DNAH10: variants seen among roughly 807,000 people sequenced by gnomAD.
DNAH10 encodes the protein dynein axonemal heavy chain 10.
Under a neutral mutation model 506.6 loss-of-function variants are expected in DNAH10, and 348 were observed. The ratio of observed to expected loss-of-function variants is 0.69; its 90% confidence interval spans 0.63 to 0.75. DNAH10 has a LOEUF of 0.75. Ranked by LOEUF, DNAH10 falls within the 30% of genes least tolerant of loss-of-function variation. DNAH10 has a pLI of 0.00. For synonymous variants in DNAH10, 2,059 were observed against 2,198.6 expected (o/e 0.94, Z 1.78); for missense variants, 5,179 against 5,787.1 (o/e 0.89, Z 3.41).
chr12:123,818,048 A>G (rs933687902), intron 21 of DNAH10, among the ~76,000 whole-genome samples: 3 of 150,272 alleles, frequency 2.0e-5, no homozygotes, highest in Non-Finnish European at 4.4e-5. Flanking sequence ...TCCTGGGTTC[A>G]AGTGATTCTC....
chr12:123,802,986 G>A (rs1958530997), intron 16 of DNAH10, among the ~76,000 whole-genome samples: 1 of 151,920 alleles, frequency 6.6e-6, no homozygotes, highest in South Asian at 2.1e-4. Flanking sequence ...TCTTTTATTG[G>A]ATGTGTGGTT....
intron 72 of DNAH10, 45 bp downstream of exon 72, chr12:123,929,804 A>G: frequency 6.4e-7 from 1 of 1,560,010 alleles, no homozygotes; most frequent in Non-Finnish European, 8.7e-7. Context: ...CTGGGGCTAC[A>G]GAGCTGTGGC....
In DNAH10 at chr12:123,790,230, G is replaced by A. The variant is rs1050718864; in HGVS notation, c.1815+109G>A. 9 of 1,121,184 alleles carry A rather than the reference G, an allele frequency of 8.0e-6. No homozygotes were observed. In the African/African-American group the frequency reaches 1.4e-4, roughly 18 times the overall value. 69.5% of individuals were successfully genotyped at this position (1,121,184 alleles called of 1,614,324 possible). On this transcript the variant is annotated intron_variant, in intron 11 of 78. Coordinates refer to ENST00000673944, the MANE Select transcript of DNAH10 (RefSeq NM_001372106.1). ...CTTAGTCTTTTTTTTTAAATCACAA[G>A]TAATACCTGCTTATTAATTATAAAA...
At chr12:123,905,341 T>C (rs1175830388) in intron 57 of DNAH10, among the ~76,000 whole-genome samples, 1 of 152,200 alleles carries the variant, frequency 6.6e-6, no homozygotes, top group Non-Finnish European at 1.5e-5. Context: ...AATCTGACCA[T>C]AGTTCATTGT....
rs563839138 is a variant in DNAH10 at position 123,803,256 on chromosome 12, G to A, written c.2615-405G>A. Among the ~76,000 whole-genome samples, 40 of 152,252 alleles carry A rather than the reference G, an allele frequency of 2.6e-4. 1 individual carries two copies. Among genetic ancestry groups the A allele is most frequent in the African/African-American group, 9.4e-4 (39 of 41,538 alleles). On this transcript the variant is annotated intron_variant, in intron 16 of 78. Transcript: ENST00000673944. ...TTATTTTCATAAAGTGAGACCGATC[G>A]TAAGTACTTAGCCCGAGTTTACTGT...
At chr12:123,792,574 C>G (rs11829499) in intron 11 of DNAH10, among the ~76,000 whole-genome samples, 1 of 151,444 alleles carries the variant, frequency 6.6e-6, no homozygotes, top group Non-Finnish European at 1.5e-5. Context: ...ATTCTCTTGC[C>G]TTGGCCTTCT....
At chr12:123,766,670 C>G (rs187854967) in intron 1 of DNAH10, among the ~76,000 whole-genome samples, 244 of 152,150 alleles carry the variant, frequency 1.6e-3, no homozygotes, top group African/African-American at 5.7e-3. Flanking sequence ...AAATGAAATG[C>G]ATCTGTAACA....
intron 57 of DNAH10, among the ~76,000 whole-genome samples, chr12:123,904,412 G>A (rs559299402): frequency 1.3e-5 from 2 of 152,264 alleles, no homozygotes; most frequent in East Asian, 1.9e-4. Context: ...CTGCTCCCAG[G>A]TCAGCAGCAT....
intron 25 of DNAH10, among the ~76,000 whole-genome samples, chr12:123,829,662 A>G (rs1960331469): frequency 6.6e-6 from 1 of 152,206 alleles, no homozygotes; most frequent in South Asian, 2.1e-4. Context: ...CAGGGGGTTC[A>G]GAGACCGATG....
chr12:123,918,803 A>G lies in DNAH10; in HGVS notation c.11360A>G (p.Asn3787Ser), dbSNP rs369878690. ...FFVLSEMALV[N>S]SMYQYSLIAF... ...GTCCTGTCTGAGATGGCCCTGGTGA[A>G]CTCCATGTACCAGTACTCCCTGATT... The change falls in exon 65 of 79, where the codon AAC becomes AGC. Residue 3787 changes from asparagine to serine, a missense_variant. Coordinates refer to ENST00000673944, the MANE Select transcript of DNAH10 (RefSeq NM_001372106.1). The G allele has an allele frequency of 3.7e-6, 6 of 1,613,762 alleles. No homozygotes were observed. The highest frequency in any genetic ancestry group is 1.3e-5 in the African/African-American group (1 of 74,942).
chr12:123,762,446 A>G lies in DNAH10; in HGVS notation c.110A>G (p.Glu37Gly), dbSNP rs1383895122. 2.0e-6 allele frequency: 3 copies of G among 1,473,322 alleles called. No individual in the cohort carries two copies. Among genetic ancestry groups the G allele is most frequent in the African/African-American group, 2.9e-5 (2 of 69,462 alleles). 91.3% of individuals were successfully genotyped at this position (1,473,322 alleles called of 1,614,324 possible). The change falls in exon 1 of 79, where the codon GAG (glutamate) becomes GGG (glycine). Residue 37 changes from glutamate to glycine, a missense_variant. By Grantham distance (98) the Glu-to-Gly change is moderately conservative (BLOSUM62 -2). This residue lies in a region of DNAH10 where 326 missense variants were observed against 330.8 expected (regional missense o/e 0.99). Transcript: ENST00000673944. The surrounding 1 kb of genome is among the most constrained non-coding windows in gnomAD (Gnocchi z 5.0). ...CTCAACCGCGACGACGGCCAGGGCG[A>G]GGACCTCATCTTGCACTTCCTCAAC... ...DLLNRDDGQGEDLILHFLNQA... is the reference protein window; with the variant it reads ...DLLNRDDGQGGDLILHFLNQA...
rs574077847 is a variant in DNAH10, at chr12:123,813,420, C to T, written c.3401C>T (p.Pro1134Leu). 4 of 1,614,172 alleles carry T rather than the reference C, an allele frequency of 2.5e-6. No homozygotes were observed. In the South Asian group the frequency reaches 4.4e-5, roughly 18 times the overall value. The change falls in exon 20 of 79, where the codon CCT becomes CTT. Residue 1134 changes from proline to leucine, a missense_variant. This residue lies in a region of DNAH10 where 4,844 missense variants were observed against 5,430.5 expected (regional missense o/e 0.89). Transcript: ENST00000673944. ...ATGGAGAAATTTGCTGCCAAGAAAC[C>T]TCCTTGTGTAGCATATGATGAAAAG... ...IVMEKFAAKK[P>L]PCVAYDEKLQ...
chr12:123,866,188 A>G (rs1420269573), intron 41 of DNAH10, 115 bp downstream of exon 41: 3 of 558,344 alleles, frequency 5.4e-6, no homozygotes, highest in Non-Finnish European at 7.5e-6. Context: ...TGACCTGCCC[A>G]TGTCCCTGAG....
chr12:123,813,427 T>G lies in DNAH10; in HGVS notation c.3408T>G (p.Cys1136Trp). The G allele has an allele frequency of 1.2e-6, 2 of 1,614,238 alleles. No individual in the cohort carries two copies. Among genetic ancestry groups the G allele is most frequent in the Non-Finnish European group, 1.7e-6 (2 of 1,180,038 alleles). ...MEKFAAKKPP[C>W]VAYDEKLQFY... is the part of the protein sequence containing the mutation. Reference sequence around the variant, plus strand: ...AATTTGCTGCCAAGAAACCTCCTTGTGTAGCATATGATGAAAAGTTGCAGT... The same window carrying G: ...AATTTGCTGCCAAGAAACCTCCTTGGGTAGCATATGATGAAAAGTTGCAGT... The change falls in exon 20 of 79, where the codon TGT (cysteine) becomes TGG (tryptophan). Residue 1136 changes from cysteine to tryptophan, a missense_variant. Around this residue, in one of 3 missense-constraint regions of DNAH10, gnomAD observed 4,844 missense variants for 5,430.5 expected, o/e 0.89. Coordinates refer to ENST00000673944, the MANE Select transcript of DNAH10 (RefSeq NM_001372106.1).
chr12:123,774,226 G>A lies in DNAH10; in HGVS notation c.583G>A (p.Ala195Thr), dbSNP rs200209608. ...AACACTGGAGTATGGAATTATAAACGCTAATGTGCTCCATTTTCTGAAGAA... is the reference window on the plus strand; with the variant it reads ...AACACTGGAGTATGGAATTATAAACACTAATGTGCTCCATTTTCTGAAGAA... Reference protein sequence around the residue: ...PETLEYGIINANVLHFLKNII... With the variant: ...PETLEYGIINTNVLHFLKNII... Residue 195 changes from alanine to threonine, a missense_variant, in exon 5 of 79, where the codon GCT becomes ACT. This residue lies in a region of DNAH10 where 326 missense variants were observed against 330.8 expected (regional missense o/e 0.99). Transcript: ENST00000673944. The A allele has an allele frequency of 1.4e-4, 221 of 1,608,534 alleles. No homozygotes were observed. The highest frequency in any genetic ancestry group is 1.8e-4 in the Non-Finnish European group (207 of 1,178,354).
intron 21 of DNAH10, among the ~76,000 whole-genome samples, chr12:123,817,949 C>CTT (rs369200478): frequency 4.1e-4 from 57 of 138,292 alleles, no homozygotes; most frequent in Admixed American, 5.8e-4. Flanking sequence ...TTCTTTTTCT[C>CTT]TTTTTTTTTT....
chr12:123,817,153 G>T (rs1354030385), intron 21 of DNAH10, among the ~76,000 whole-genome samples: 1 of 92,636 alleles, frequency 1.1e-5, no homozygotes, highest in Non-Finnish European at 2.3e-5. Flanking sequence ...TTTGGTCTTT[G>T]GTTTTCAGCA....
Position 123,803,746 on chromosome 12 carries a change from C to T in DNAH10, c.2700C>T (p.Asp900=), listed in dbSNP as rs1182224032. Reference sequence around the variant, plus strand: ...ACCAGATTCATAAGAATGCAGATGACATTTCTTCCAGGCTGACATTAATAG... The same window carrying T: ...ACCAGATTCATAAGAATGCAGATGATATTTCTTCCAGGCTGACATTAATAG... ...LVHQIHKNAD[D]ISSRLTLIEA... is the part of the protein sequence containing the mutation. The change falls in exon 17 of 79, where the codon GAC becomes GAT. Residue 900 remains aspartate, a synonymous_variant. Transcript: ENST00000673944. The T allele has an allele frequency of 6.2e-7, 1 of 1,611,090 alleles. No individual in the cohort carries two copies. The highest frequency in any genetic ancestry group is 8.5e-7 in the Non-Finnish European group (1 of 1,179,396).
intron 65 of DNAH10, 84 bp from the exon 66 acceptor site, chr12:123,923,679 C>T (rs1010686303): frequency 1.9e-5 from 16 of 853,220 alleles, no homozygotes; most frequent in Admixed American, 2.9e-5. Context: ...ATTTATCTTA[C>T]GTTTAAGCAC....
Sources: gnomAD v4.1 joint callset for allele counts (sites outside exome capture counted in the v4.1 genomes callset) on GRCh38, gnomAD v4.1.1 for gene constraint, gnomAD v4.1.1 regional missense constraint, Gnocchi (gnomAD v3.1) non-coding constraint, MANE v1.5 for transcripts, NCBI Gene and HGNC (gene_info 2026-07-23, HGNC 2026-07-21) for gene names.